Variants in NPC1L1 observed in about 807,000 individuals in gnomAD.
NPC1L1 encodes NPC1-like intracellular cholesterol transporter 1.
A neutral mutation model predicts 117.0 loss-of-function variants in NPC1L1; 98 were observed. The observed-to-expected ratio is 0.84, with a 90% CI of 0.71 to 0.99. NPC1L1 has a LOEUF of 0.99. Among genes scored for constraint, NPC1L1 ranks in the 50% least tolerant of loss-of-function variants. NPC1L1 has a pLI of 0.00. For synonymous variants in NPC1L1, 729 were observed against 727.6 expected, an observed-to-expected ratio of 1.00 and a Z score of -0.03; for missense variants, 1,540 against 1,710.0, an observed-to-expected ratio of 0.90 and a Z score of 1.75.
At chr7:44,517,728 A>G (rs1478567144) in intron 14 of NPC1L1, among the ~76,000 whole-genome samples, 1 of 152,222 alleles carries the variant, frequency 6.6e-6, no homozygotes, top group Non-Finnish European at 1.5e-5. Flanking sequence ...AAAGGACTAG[A>G]AAGGAAGACA....
Position 44,513,552 on chromosome 7 carries a change from T to A in NPC1L1, c.3894A>T (p.Arg1298=), listed in dbSNP as rs1801102514. 1.2e-6 allele frequency: 2 copies of A among 1,613,800 alleles called. No homozygotes were observed. Among genetic ancestry groups the A allele is most frequent in the African/African-American group, 2.7e-5 (2 of 74,840 alleles). The part of the protein sequence containing the change: ...MVASCPNHPS[R]VSTADNIYVN... Reference sequence around the variant, plus strand: ...CATAGATGTTGTCAGCTGTGGAGACTCGGGAGGGGTGATTTGGGCAAGAGG... The same window carrying A: ...CATAGATGTTGTCAGCTGTGGAGACACGGGAGGGGTGATTTGGGCAAGAGG... The change falls in exon 19 of 19, where the codon CGA becomes CGT. Residue 1298 remains arginine, a synonymous_variant. Coordinates refer to ENST00000381160, the MANE Select transcript of NPC1L1 (RefSeq NM_001101648.2).
At chr7:44,537,637 C>T (rs1801943089) in intron 2 of NPC1L1, among the ~76,000 whole-genome samples, 1 of 152,220 alleles carries the variant, frequency 6.6e-6, no homozygotes, top group African/African-American at 2.4e-5. Context: ...CAAGCGAGTG[C>T]TGGTTGCTGT....
chr7:44,517,024 G>A, intron 15 of NPC1L1, 90 bp from the exon 16 acceptor site: 1 of 1,453,192 alleles, frequency 6.9e-7, no homozygotes, highest in South Asian at 1.2e-5. Flanking sequence ...GAATGCTGAG[G>A]GTCAGGCAGG....
chr7:44,540,215 G>C lies in NPC1L1; in HGVS notation c.182C>G (p.Thr61Arg), dbSNP rs114102795. The C allele has an allele frequency of 3.1e-6, 5 of 1,614,092 alleles. No individual in the cohort carries two copies. Among genetic ancestry groups the C allele is most frequent in the South Asian group, 2.2e-5 (2 of 91,076 alleles). The change falls in exon 2 of 19, where the codon ACG becomes AGG. Residue 61 changes from threonine (T) to arginine (R), a missense_variant. Thr to Arg is a moderately conservative substitution (Grantham distance 71, BLOSUM62 -1). This residue lies in a region of NPC1L1 where 793 missense variants were observed against 820.4 expected (regional missense o/e 0.97). Transcript: ENST00000381160. ...TLSNVSCLSN[T>R]PARKITGDHL... ...ATCACCTGTGATCTTGCGGGCCGGC[G>C]TGTTGGACAGGCAGGACACGTTGGA...
chr7:44,523,259 T>C (rs1801414420), intron 10 of NPC1L1, among the ~76,000 whole-genome samples: 1 of 152,136 alleles, frequency 6.6e-6, no homozygotes, highest in Non-Finnish European at 1.5e-5. Context: ...TTTCACCATG[T>C]TGGCCAGGCT....
chr7:44,523,034 TTGTC>T (rs1336622204), intron 10 of NPC1L1, among the ~76,000 whole-genome samples: 1 of 152,154 alleles, frequency 6.6e-6, no homozygotes, highest in Non-Finnish European at 1.5e-5. Flanking sequence ...AGACAACAAT[TTGTC>T]TGGTATAACT....
At position 44,534,536 on chromosome 7, in the gene NPC1L1, G is replaced by C; in HGVS notation, c.2077C>G (p.Arg693Gly). The change falls in exon 6 of 19, where the codon CGC becomes GGC. Residue 693 changes from arginine (R) to glycine (G), a missense_variant. Arg to Gly is a moderately radical substitution (Grantham distance 125). Coordinates refer to ENST00000381160, the MANE Select transcript of NPC1L1 (RefSeq NM_001101648.2). This position sits in a 1 kb window ranked among gnomAD's most constrained non-coding sequence, Gnocchi z 5.2. ...AMGFFSYLGI[R>G]SSLVILQVVP... ...ACTTGCAGGATGACCAGGGAGGAGC[G>C]GATACCCAAGTAGGAGAAGAAGCCC... is the stretch of plus-strand genomic sequence containing the variant. The C allele has an allele frequency of 1.9e-6, 3 of 1,614,158 alleles. No individual in the cohort carries two copies. The South Asian group carries it at 3.3e-5, about 18-fold the overall frequency.
chr7:44,537,064 G>A (rs1393348570), intron 2 of NPC1L1, 122 bp from the exon 3 acceptor site: 2 of 748,512 alleles, frequency 2.7e-6, no homozygotes, highest in African/African-American at 1.8e-5. Flanking sequence ...GTGGGGTGGG[G>A]GACACTGGCT....
At position 44,539,931 on chromosome 7, in the gene NPC1L1, A is replaced by G. The variant is rs1276876858; in HGVS notation, c.466T>C (p.Tyr156His). The G allele has an allele frequency of 6.2e-7, 1 of 1,614,190 alleles. No homozygotes were observed. Among genetic ancestry groups the G allele is most frequent in the Admixed American group, 1.7e-5 (1 of 60,032 alleles). ...GAGQLPAVVA[Y>H]EAFYQHSFAE... The stretch of plus-strand genomic sequence containing the variant: ...AAGCTATGCTGGTAGAAGGCCTCAT[A>G]GGCCACCACAGCTGGGAGTTGTCCA... Residue 156 changes from tyrosine to histidine, a missense_variant, in exon 2 of 19, where the codon TAT (tyrosine) becomes CAT (histidine). By Grantham distance (83) the Tyr-to-His change is moderately conservative. Around this residue, in one of 3 missense-constraint regions of NPC1L1, gnomAD observed 793 missense variants for 820.4 expected, o/e 0.97. Transcript: ENST00000381160. This position sits in a 1 kb window ranked among gnomAD's most constrained non-coding sequence, Gnocchi z 4.4.
At chr7:44,514,998 G>A (rs1228055930) in intron 18 of NPC1L1, among the ~76,000 whole-genome samples, 1 of 151,970 alleles carries the variant, frequency 6.6e-6, no homozygotes, top group East Asian at 1.9e-4. Context: ...GGGCAACAGA[G>A]CGAGACTCCA....
rs547141084 is a variant in NPC1L1, at chr7:44,521,063, G to A, written c.3009C>T (p.Pro1003=). ...CMSITMGSVR[P]SVEQFHKYLP... ...GATACTTATGGAACTGCTCCACCGA[G>A]GGCCTCACAGAGCCCATCGTGATGC... Residue 1003 remains proline, a synonymous_variant, in exon 13 of 19, where the codon CCC becomes CCT. Transcript: ENST00000381160. The A allele has an allele frequency of 6.2e-7, 1 of 1,614,162 alleles. No homozygotes were observed. Among genetic ancestry groups the A allele is most frequent in the South Asian group, 1.1e-5 (1 of 91,082 alleles).
rs370432900 is a variant in NPC1L1 at position 44,539,425 on chromosome 7, G to T, written c.972C>A (p.Ser324Arg). 3 of 1,613,954 alleles carry T rather than the reference G, an allele frequency of 1.9e-6. No homozygotes were observed. The highest frequency in any genetic ancestry group is 2.5e-6 in the Non-Finnish European group (3 of 1,179,988). ...SKMVDPKKGT[S>R]LSDKLSFSTH... ...TGGAGAAGCTGAGCTTGTCAGAGAG[G>T]CTGGTGCCCTTCTTGGGGTCCACCA... Residue 324 changes from serine (S) to arginine (R), a missense_variant, in exon 2 of 19, where the codon AGC becomes AGA. Physicochemically the swap from Ser to Arg is moderately radical, Grantham distance 110 (BLOSUM62 -1). This residue lies in a region of NPC1L1 where 793 missense variants were observed against 820.4 expected (regional missense o/e 0.97). Transcript: ENST00000381160. The surrounding 1 kb of genome is among the most constrained non-coding windows in gnomAD (Gnocchi z 4.4).
chr7:44,525,807 A>T (rs1226149319), intron 10 of NPC1L1, among the ~76,000 whole-genome samples: 1 of 152,258 alleles, frequency 6.6e-6, no homozygotes, highest in East Asian at 1.9e-4. Flanking sequence ...ATCCTCAAAA[A>T]GATTATCAGC....
In NPC1L1 at chr7:44,513,283, G is replaced by C; in HGVS notation, c.*164C>G. ...GAGCAGAGGAGCCATCAGTGGTGCT[G>C]CCTGGATACCTCAAGAGCAGGCCAT... On this transcript the variant is annotated 3_prime_UTR_variant, in exon 19 of 19. Coordinates refer to ENST00000381160, the MANE Select transcript of NPC1L1 (RefSeq NM_001101648.2). 1.4e-6 allele frequency: 1 copy of C among 704,842 alleles called. No individual in the cohort carries two copies. Among genetic ancestry groups the C allele is most frequent in the Non-Finnish European group, 2.5e-6 (1 of 399,140 alleles). 43.7% of individuals were successfully genotyped at this position (704,842 alleles called of 1,614,324 possible).
chr7:44,539,451 T>C lies in NPC1L1; in HGVS notation c.946A>G (p.Met316Val), dbSNP rs745693591. ...RVAPARDKSK[M>V]VDPKKGTSLS... The stretch of plus-strand genomic sequence containing the variant: ...CTGGTGCCCTTCTTGGGGTCCACCA[T>C]CTTGCTTTTGTCCCTGGCGGGGGCC... The change falls in exon 2 of 19, where the codon ATG becomes GTG. Residue 316 changes from methionine (M) to valine (V), a missense_variant. By Grantham distance (21) the Met-to-Val change is conservative. Around this residue, in one of 3 missense-constraint regions of NPC1L1, gnomAD observed 793 missense variants for 820.4 expected, o/e 0.97. Transcript: ENST00000381160. The surrounding 1 kb of genome is among the most constrained non-coding windows in gnomAD (Gnocchi z 4.4). 6.2e-7 allele frequency: 1 copy of C among 1,613,874 alleles called. No individual in the cohort carries two copies. Among genetic ancestry groups the C allele is most frequent in the Non-Finnish European group, 8.5e-7 (1 of 1,179,982 alleles).
Position 44,534,469 on chromosome 7 carries a change from A to C in NPC1L1, c.2144T>G (p.Phe715Cys), listed in dbSNP as rs1801802561. The stretch of plus-strand genomic sequence containing the variant: ...TACCTGGTACTCGAGAACAAAGATG[A>C]AGATGTTATCAGCCCCCACGGACAG... ...LVLSVGADNI[F>C]IFVLEYQRLP... The change falls in exon 6 of 19, where the codon TTC (phenylalanine) becomes TGC (cysteine). Residue 715 changes from phenylalanine (F) to cysteine (C), a missense_variant. Phe to Cys is a radical substitution (Grantham distance 205, BLOSUM62 -2). Transcript: ENST00000381160. The surrounding 1 kb of genome is among the most constrained non-coding windows in gnomAD (Gnocchi z 5.2). 6.8e-6 allele frequency: 11 copies of C among 1,614,036 alleles called. No homozygotes were observed. The East Asian group carries it at 2.5e-4, about 36-fold the overall frequency.
chr7:44,513,139 AAGTG>A lies in NPC1L1; in HGVS notation c.*304_*307del, dbSNP rs1395222111. The A allele has an allele frequency of 3.2e-5, 14 of 438,806 alleles. No individual in the cohort carries two copies. Among genetic ancestry groups the A allele is most frequent in the Non-Finnish European group, 5.9e-5 (14 of 235,328 alleles). The allele number at this position is 438,806 out of a possible 1,614,324, so 27.2% of individuals were successfully genotyped here. A position where few individuals can be genotyped will look rare whatever the true frequency, so the allele number is the denominator to read the frequency against. On this transcript the variant is annotated 3_prime_UTR_variant, in exon 19 of 19. Coordinates refer to ENST00000381160, the MANE Select transcript of NPC1L1 (RefSeq NM_001101648.2). ...TTGGATGAGAAGTGGGCTCCTAGGAAAGTGAGTGAGTGTGGGACAAACATGGAGT... is the reference window on the plus strand; with the variant it reads ...TTGGATGAGAAGTGGGCTCCTAGGAAAGTGAGTGTGGGACAAACATGGAGT...
chr7:44,540,718 GC>G (rs996204739), intron 1 of NPC1L1, among the ~76,000 whole-genome samples: 3 of 151,810 alleles, frequency 2.0e-5, no homozygotes, highest in Non-Finnish European at 4.4e-5. Flanking sequence ...TGTTCAGGAG[GC>G]CCCCCGACTC....
chr7:44,513,714 T>C, intron 18 of NPC1L1, 65 bp from the exon 19 acceptor site: 1 of 1,566,512 alleles, frequency 6.4e-7, no homozygotes, highest in East Asian at 2.2e-5. Context: ...AAGCTATTCC[T>C]GGTTCTGTAC....
Sources: allele counts gnomAD v4.1 joint callset (sites outside exome capture counted in the v4.1 genomes callset), GRCh38; gene constraint gnomAD v4.1.1; regional missense constraint gnomAD v4.1.1; non-coding constraint Gnocchi (gnomAD v3.1); transcripts MANE v1.5; gene names NCBI Gene and HGNC (gene_info 2026-07-23, HGNC 2026-07-21).